The following ADGRL3 variants were observed in gnomAD, a reference collection of about 807,000 sequenced individuals.
ADGRL3 encodes calcium-independent alpha-latrotoxin receptor 3.
Under a neutral mutation model 153.5 loss-of-function variants are expected in ADGRL3, and 62 were observed. That is an observed-to-expected ratio of 0.40 (90% confidence interval 0.33 to 0.50). The LOEUF (loss-of-function observed/expected upper bound fraction) is 0.50. Among genes scored for constraint, ADGRL3 ranks in the 20% least tolerant of loss-of-function variants. The pLI is 0.47. For missense variants in ADGRL3, 1,641 were observed against 1,859.4 expected, an observed-to-expected ratio of 0.88 and a Z score of 2.16; for synonymous variants, 710 against 672.5, an observed-to-expected ratio of 1.06 and a Z score of -0.86.
At chr4:61,701,629 G>T (rs1179971647) in intron 6 of ADGRL3, among the ~76,000 whole-genome samples, 1 of 151,376 alleles carries the variant, frequency 6.6e-6, no homozygotes, top group Non-Finnish European at 1.5e-5. Flanking sequence ...TAGAGATGGG[G>T]TTTCACTATG....
intron 6 of ADGRL3, among the ~76,000 whole-genome samples, chr4:61,717,003 A>G (rs1035966075): frequency 1.3e-5 from 2 of 152,134 alleles, no homozygotes; most frequent in Non-Finnish European, 2.9e-5. Context: ...GGTGTGATGA[A>G]TTCATGCATC....
rs145094827 is a variant in ADGRL3 at position 61,686,664 on chromosome 4, T to C, written c.583+9729T>C. ...AGAACATTCAAAATACTCTCTTCCA[T>C]CTATTCTGAAATATATAACATGTTA... On this transcript the variant is annotated intron_variant, in intron 6 of 26. Coordinates refer to ENST00000683033, the MANE Select transcript of ADGRL3 (RefSeq NM_001387552.1). Among the ~76,000 whole-genome samples, 15 of 152,206 alleles carry C rather than the reference T, an allele frequency of 9.9e-5. No homozygotes were observed. The South Asian group carries it at 3.1e-3, about 32-fold the overall frequency.
chr4:61,219,779 C>A (rs1183205727), intron 1 of ADGRL3, among the ~76,000 whole-genome samples: 3 of 152,124 alleles, frequency 2.0e-5, no homozygotes, highest in Non-Finnish European at 4.4e-5. Flanking sequence ...CCATGACTTT[C>A]GATTATTTCT....
intron 21 of ADGRL3, among the ~76,000 whole-genome samples, chr4:62,023,713 T>C (rs1243201567): frequency 6.6e-6 from 1 of 152,174 alleles, no homozygotes; most frequent in Non-Finnish European, 1.5e-5. Context: ...GGTAACTTTT[T>C]TTTAACAATA....
chr4:61,470,008 T>C (rs1463747592), intron 2 of ADGRL3, among the ~76,000 whole-genome samples: 2 of 152,024 alleles, frequency 1.3e-5, no homozygotes, highest in African/African-American at 4.8e-5. Context: ...GCTTTATTTA[T>C]CATTATAGAT....
intron 26 of ADGRL3, 85 bp downstream of exon 26, chr4:62,068,268 A>G (rs948722502): frequency 4.8e-6 from 6 of 1,240,224 alleles, no homozygotes; most frequent in Non-Finnish European, 6.7e-6. Context: ...TGATGTAGTT[A>G]TTAAAAACAG....
chr4:61,445,343 A>C (rs1224132129), intron 2 of ADGRL3, among the ~76,000 whole-genome samples: 2 of 152,216 alleles, frequency 1.3e-5, no homozygotes, highest in Admixed American at 1.3e-4. Flanking sequence ...TAGCTAAAAT[A>C]AAAGTCAACT....
At chr4:61,574,970 G>A (rs755546375) in intron 4 of ADGRL3, among the ~76,000 whole-genome samples, 3 of 151,156 alleles carry the variant, frequency 2.0e-5, no homozygotes, top group Non-Finnish European at 4.4e-5. Flanking sequence ...CTGCTTTCTC[G>A]GGAATATTAT....
rs755074082 is a variant in ADGRL3 at position 62,031,435 on chromosome 4, T to C, written c.3423-7T>C. ...TAATAACCCTTAATTTTCTCTTCTC[T>C]CTACAGGTCATGGGTTATAGGTGCA... On this transcript the variant is annotated splice_region_variant and splice_polypyrimidine_tract_variant and intron_variant, in intron 22 of 26. Transcript: ENST00000683033. The C allele has an allele frequency of 6.3e-7, 1 of 1,598,984 alleles. No individual in the cohort carries two copies. Among genetic ancestry groups the C allele is most frequent in the Non-Finnish European group, 8.5e-7 (1 of 1,171,714 alleles).
At chr4:61,815,396 G>T (rs1170937637) in intron 9 of ADGRL3, among the ~76,000 whole-genome samples, 1 of 152,182 alleles carries the variant, frequency 6.6e-6, no homozygotes, top group African/African-American at 2.4e-5. Context: ...CATATTTCTG[G>T]TGTTAGTGTA....
intron 4 of ADGRL3, among the ~76,000 whole-genome samples, chr4:61,528,469 T>A (rs988617793): frequency 6.6e-6 from 1 of 152,116 alleles, no homozygotes; most frequent in East Asian, 1.9e-4. Flanking sequence ...TTGAGCATGC[T>A]GTGTAGAAGG....
intron 6 of ADGRL3, among the ~76,000 whole-genome samples, chr4:61,725,015 T>C (rs1249755668): frequency 6.6e-6 from 1 of 152,116 alleles, no homozygotes; most frequent in Non-Finnish European, 1.5e-5. Context: ...TCTCAAGGGG[T>C]GATAGCACTG....
At chr4:61,936,905 A>G (rs2098841456) in intron 15 of ADGRL3, among the ~76,000 whole-genome samples, 1 of 152,068 alleles carries the variant, frequency 6.6e-6, no homozygotes, top group Non-Finnish European at 1.5e-5. Flanking sequence ...CCAACTTAAT[A>G]CTAATATTTC....
At chr4:61,769,067 G>T in intron 8 of ADGRL3, among the ~76,000 whole-genome samples, 1 of 148,952 alleles carries the variant, frequency 6.7e-6, no homozygotes, top group East Asian at 1.9e-4. Context: ...ACTTGCCCCT[G>T]CCCCAGGAAA....
At chr4:62,019,047 C>A (rs2099226094) in intron 21 of ADGRL3, among the ~76,000 whole-genome samples, 1 of 152,148 alleles carries the variant, frequency 6.6e-6, no homozygotes, top group Non-Finnish European at 1.5e-5. Context: ...ATTAACATTA[C>A]TTTGGATTTG....
At chr4:61,287,982 C>A (rs1192646272) in intron 1 of ADGRL3, among the ~76,000 whole-genome samples, 1 of 151,892 alleles carries the variant, frequency 6.6e-6, no homozygotes. Context: ...ACTCTCTCCC[C>A]CTTACTTTTA....
intron 6 of ADGRL3, among the ~76,000 whole-genome samples, chr4:61,726,210 G>GTT (rs149472429): frequency 8.4e-6 from 1 of 118,480 alleles, no homozygotes; most frequent in Non-Finnish European, 1.7e-5. Flanking sequence ...TTTTTTTTTT[G>GTT]TTTTTTGAGA....
intron 2 of ADGRL3, among the ~76,000 whole-genome samples, chr4:61,486,129 A>G (rs1411112077): frequency 1.3e-5 from 2 of 152,000 alleles, no homozygotes. Flanking sequence ...AATTTTTAGT[A>G]GAGACGGAGT....
At chr4:61,412,698 T>C (rs1189000979) in intron 2 of ADGRL3, among the ~76,000 whole-genome samples, 1 of 152,188 alleles carries the variant, frequency 6.6e-6, no homozygotes, top group Admixed American at 6.5e-5. Context: ...TCTCCTTCCT[T>C]TCCATTTGGC....
Sources: allele counts gnomAD v4.1 joint callset (sites outside exome capture counted in the v4.1 genomes callset), GRCh38; gene constraint gnomAD v4.1.1; transcripts MANE v1.5; gene names NCBI Gene and HGNC (gene_info 2026-07-23, HGNC 2026-07-21).